Variants in MATN2 observed in about 807,000 individuals in gnomAD.
MATN2 encodes the protein matrilin 2, also known as matrilin-2.
MATN2 carries 69 observed loss-of-function variants against 103.2 expected under a neutral mutation model. The observed-to-expected ratio is 0.67, with a 90% confidence interval of 0.55 to 0.82. The LOEUF is 0.82. Ranked by LOEUF, MATN2 falls within the 40% of genes least tolerant of loss-of-function variation. The probability of loss-of-function intolerance (pLI) is 0.00; values close to 1 mark genes in which losing one functional copy is unlikely to be tolerated. For missense variants in MATN2, 1,023 were observed against 1,211.5 expected (o/e 0.84, Z 2.31); for synonymous variants, 429 against 450.2 (o/e 0.95, Z 0.60).
intron 18 of MATN2, chr8:98,034,065 T>C: frequency 2.4e-6 from 1 of 423,304 alleles, no homozygotes; most frequent in South Asian, 1.7e-5. Context: ...TCAAACTCAG[T>C]ACTCCAAACT....
At chr8:97,908,401 G>A (rs1378487539) in intron 2 of MATN2, among the ~76,000 whole-genome samples, 4 of 152,186 alleles carry the variant, frequency 2.6e-5, no homozygotes, top group African/African-American at 9.7e-5. Flanking sequence ...CTTGAGCCCA[G>A]GAGTTCCAGA....
rs1814061310 is a variant in MATN2 at position 98,032,329 on chromosome 8, A to T, written c.2581+12A>T. ...CCAACAGCCAACAGGTACAGTTTTT[A>T]AGGCAGTGTTTTTAGAAATTTTGGT... is the stretch of plus-strand genomic sequence containing the variant. On this transcript the variant is annotated intron_variant, in intron 16 of 18. Transcript: ENST00000254898. 17 of 1,601,948 alleles carry T rather than the reference A, an allele frequency of 1.1e-5. No individual in the cohort carries two copies. Among genetic ancestry groups the T allele is most frequent in the Non-Finnish European group, 1.4e-5 (17 of 1,173,668 alleles).
intron 2 of MATN2, among the ~76,000 whole-genome samples, chr8:97,899,136 C>T (rs761339398): frequency 3.5e-4 from 54 of 152,182 alleles, no homozygotes; most frequent in Non-Finnish European, 6.0e-4. Flanking sequence ...TCAGTGGAAG[C>T]GCTTCTAATC....
At chr8:97,980,544 A>G (rs1437110592) in intron 6 of MATN2, among the ~76,000 whole-genome samples, 1 of 145,976 alleles carries the variant, frequency 6.9e-6, no homozygotes, top group African/African-American at 2.6e-5. Context: ...CCTACTGCAT[A>G]GCATTATTCT....
intron 13 of MATN2, among the ~76,000 whole-genome samples, chr8:98,022,362 C>CAT (rs1813626619): frequency 2.1e-5 from 1 of 47,638 alleles, no homozygotes. Context: ...CTTATGCACA[C>CAT]ACACACACAC....
Position 98,033,628 on chromosome 8 carries a change from A to C in MATN2, c.2784A>C (p.Ala928=), listed in dbSNP as rs1280712726. 6.2e-7 allele frequency: 1 copy of C among 1,607,320 alleles called. No homozygotes were observed. The highest frequency in any genetic ancestry group is 8.5e-7 in the Non-Finnish European group (1 of 1,176,722). The change falls in exon 18 of 19, where the codon GCA becomes GCC. Residue 928 remains alanine, a synonymous_variant. Coordinates refer to ENST00000254898, the MANE Select transcript of MATN2 (RefSeq NM_002380.5). ...CENLIMFQNL[A]NEEVRKLTQR... is the part of the protein sequence containing the mutation. ...ACCTTATAATGTTCCAGAACCTTGC[A>C]AACGAAGAAGTAAGAAAATTAACAC...
intron 10 of MATN2, 116 bp from the exon 11 acceptor site, chr8:98,016,423 GT>G (rs1671076169): frequency 8.9e-6 from 8 of 896,168 alleles, no homozygotes; most frequent in Non-Finnish European, 1.4e-5. Context: ...AATGTGTACT[GT>G]AGGATAAGGC....
At chr8:97,956,872 T>C in intron 4 of MATN2, among the ~76,000 whole-genome samples, 1 of 152,208 alleles carries the variant, frequency 6.6e-6, no homozygotes, top group East Asian at 1.9e-4. Context: ...GAGGGTATTC[T>C]TAGGACTTTA....
chr8:98,003,579 G>A (rs1586145869), intron 7 of MATN2, 82 bp from the exon 8 acceptor site: 3 of 1,547,120 alleles, frequency 1.9e-6, no homozygotes, highest in Admixed American at 1.7e-5. Context: ...CTCCATGGGG[G>A]CTCATGGGAG....
intron 7 of MATN2, among the ~76,000 whole-genome samples, chr8:97,997,545 C>T (rs1812625972): frequency 2.0e-5 from 3 of 152,220 alleles, no homozygotes. Flanking sequence ...GATTTGTTTT[C>T]TGACAGTCCT....
chr8:97,954,580 G>A (rs1467865429), intron 4 of MATN2, among the ~76,000 whole-genome samples: 1 of 152,194 alleles, frequency 6.6e-6, no homozygotes. Context: ...ATCATTGTGT[G>A]AGTCAGTACG....
intron 2 of MATN2, among the ~76,000 whole-genome samples, chr8:97,922,426 AG>A (rs1809842987): frequency 6.6e-6 from 1 of 152,176 alleles, no homozygotes; most frequent in African/African-American, 2.4e-5. Context: ...AAAGAATGTT[AG>A]CCTTTATAGT....
At chr8:97,893,260 A>G (rs906122305) in intron 2 of MATN2, among the ~76,000 whole-genome samples, 15 of 152,282 alleles carry the variant, frequency 9.9e-5, no homozygotes, top group South Asian at 4.2e-4. Context: ...GCTGGCAGGT[A>G]GAGTCGGAGA....
intron 1 of MATN2, among the ~76,000 whole-genome samples, chr8:97,880,609 A>C (rs1391376681): frequency 6.6e-6 from 1 of 152,212 alleles, no homozygotes. Flanking sequence ...CCCCCTGCAC[A>C]GATCTCCCCA....
chr8:98,032,585 G>A (rs1047686068), intron 16 of MATN2, among the ~76,000 whole-genome samples: 2 of 152,032 alleles, frequency 1.3e-5, no homozygotes, highest in Admixed American at 1.3e-4. Context: ...AGGCTGGAGT[G>A]CAGTGGTACG....
At chr8:97,955,062 TGAA>T (rs1270844138) in intron 4 of MATN2, among the ~76,000 whole-genome samples, 3 of 151,966 alleles carry the variant, frequency 2.0e-5, no homozygotes, top group Non-Finnish European at 4.4e-5. Context: ...TCCCAAGACA[TGAA>T]GAAGCTTGAT....
rs1400234818 is a variant in MATN2, at chr8:97,882,415, C to T, written c.-26-5660C>T. On this transcript the variant is annotated intron_variant, in intron 1 of 18. Transcript: ENST00000254898. ...TTTCTTTTTTTCTTTTTTTTGAGGC[C>T]GGGTCTTGCTCTGTCACCCAGGCTG... 4.6e-5 allele frequency among the ~76,000 whole-genome samples: 7 copies of T among 150,606 alleles called. No individual in the cohort carries two copies. The East Asian group carries it at 7.8e-4, about 17-fold the overall frequency.
At chr8:97,999,390 G>A (rs1207444440) in intron 7 of MATN2, among the ~76,000 whole-genome samples, 1 of 152,172 alleles carries the variant, frequency 6.6e-6, no homozygotes, top group Non-Finnish European at 1.5e-5. Flanking sequence ...TTTCCACAGT[G>A]GCTGAATGCT....
chr8:98,035,667 G>T lies in MATN2; in HGVS notation c.2826G>T (p.Met942Ile). ...VRKLTQRLEE[M>I]TQRMEALENR... ...TAATTTGAGATTTACTAGAAGAAATGACACAGAGAATGGAAGCCCTGGAAA... is the reference window on the plus strand; with the variant it reads ...TAATTTGAGATTTACTAGAAGAAATTACACAGAGAATGGAAGCCCTGGAAA... The change falls in exon 19 of 19, where the codon ATG becomes ATT. Residue 942 changes from methionine to isoleucine, a missense_variant. Coordinates refer to ENST00000254898, the MANE Select transcript of MATN2 (RefSeq NM_002380.5). 1 of 1,583,568 alleles carries T rather than the reference G, an allele frequency of 6.3e-7. No individual in the cohort carries two copies. The highest frequency in any genetic ancestry group is 1.1e-5 in the South Asian group (1 of 87,320).
Sources: allele counts gnomAD v4.1 joint callset (sites outside exome capture counted in the v4.1 genomes callset), GRCh38; gene constraint gnomAD v4.1.1; transcripts MANE v1.5; gene names NCBI Gene and HGNC (gene_info 2026-07-23, HGNC 2026-07-21).